The following BPIFC variants were observed in gnomAD, a reference collection of about 807,000 sequenced individuals.
The protein encoded by BPIFC is BPI fold-containing family C protein.
Under a neutral mutation model 57.6 loss-of-function variants are expected in BPIFC, and 60 were observed. The observed-to-expected ratio is 1.04, with a 90% CI of 0.85 to 1.29. The LOEUF (loss-of-function observed/expected upper bound fraction) is 1.29. Ranked by LOEUF, BPIFC falls within the 50% of genes most tolerant of loss-of-function variation. BPIFC has a pLI of 0.00. For missense variants in BPIFC, 581 were observed against 600.5 expected, an observed-to-expected ratio of 0.97 and a Z score of 0.34; for synonymous variants, 243 against 224.5, an observed-to-expected ratio of 1.08 and a Z score of -0.74.
chr22:32,450,371 A>G (rs1228012710), intron 4 of BPIFC, among the ~76,000 whole-genome samples: 3 of 152,172 alleles, frequency 2.0e-5, no homozygotes, highest in Non-Finnish European at 2.9e-5. Flanking sequence ...GTGTAAATAC[A>G]CCGTATAATG....
In BPIFC at chr22:32,414,316, T is replaced by G; in HGVS notation, c.1511A>C (p.Lys504Thr). 6.2e-7 allele frequency: 1 copy of G among 1,613,446 alleles called. No homozygotes were observed. The highest frequency in any genetic ancestry group is 2.2e-5 in the East Asian group (1 of 44,862). ...GCAAACCGGCAATCAAGGGGCTGAC[T>G]TCCCCCTCCACTGTCTGCTTATCAG... ...LNLISRQWRG[K>T]SAP Residue 504 changes from lysine (K) to threonine (T), a missense_variant, in exon 17 of 17, where the codon AAG becomes ACG. By Grantham distance (78) the Lys-to-Thr change is moderately conservative. Coordinates refer to ENST00000300399, the MANE Select transcript of BPIFC (RefSeq NM_174932.3).
At chr22:32,443,942 C>G (rs1945895017) in intron 7 of BPIFC, among the ~76,000 whole-genome samples, 1 of 152,100 alleles carries the variant, frequency 6.6e-6, no homozygotes, top group African/African-American at 2.4e-5. Flanking sequence ...ATGGGAAAAC[C>G]AAAGCTTAGA....
chr22:32,429,399 G>T (rs1398580739), intron 13 of BPIFC, among the ~76,000 whole-genome samples: 1 of 151,232 alleles, frequency 6.6e-6, no homozygotes, highest in Non-Finnish European at 1.5e-5. Flanking sequence ...GTAGAGACGG[G>T]GTTTCACCAT....
chr22:32,447,277 G>C lies in BPIFC; in HGVS notation c.309C>G (p.Ile103Met), dbSNP rs1321794839. 2 of 1,614,000 alleles carry C rather than the reference G, an allele frequency of 1.2e-6. No individual in the cohort carries two copies. Among genetic ancestry groups the C allele is most frequent in the East Asian group, 4.5e-5 (2 of 44,892 alleles). Residue 103 changes from isoleucine (I) to methionine (M), a missense_variant, in exon 5 of 17, where the codon ATC becomes ATG. Ile to Met is a conservative substitution (Grantham distance 10, BLOSUM62 1). Coordinates refer to ENST00000300399, the MANE Select transcript of BPIFC (RefSeq NM_174932.3). ...TSLAFVPGVG[I>M]KALTNHGTAN... is the part of the protein sequence containing the mutation. ...CAGTGCCATGGTTGGTTAGCGCTTT[G>C]ATTCCCACTCCAGGCACAAAAGCCA...
At chr22:32,462,168 C>CAAAAAAAAAAAAACAAAAAAA (rs1935174799) in intron 1 of BPIFC, among the ~76,000 whole-genome samples, 1 of 53,600 alleles carries the variant, frequency 1.9e-5, no homozygotes, top group African/African-American at 6.9e-5. Context: ...GACTCCATCT[C>CAAAAAAAAAAAAACAAAAAAA]AAAAAAAAAA....
intron 14 of BPIFC, among the ~76,000 whole-genome samples, chr22:32,417,868 T>A (rs77045348): frequency 1.3e-5 from 2 of 152,080 alleles, no homozygotes; most frequent in African/African-American, 4.8e-5. Flanking sequence ...CTTTTTTTTT[T>A]ATTTAAAAAT....
chr22:32,417,126 A>G lies in BPIFC; in HGVS notation c.1283T>C (p.Leu428Pro). ...NIEVLRFENILSSILHFGVLP... is the reference protein window; with the variant it reads ...NIEVLRFENIPSSILHFGVLP... ...GACTCCAAAGTGAAGAATGGACGAT[A>G]GAATATTTTCAAACCTCAAGACCTA... The change falls in exon 15 of 17, where the codon CTA (leucine) becomes CCA (proline). Residue 428 changes from leucine to proline, a missense_variant. By Grantham distance (98) the Leu-to-Pro change is moderately conservative. Coordinates refer to ENST00000300399, the MANE Select transcript of BPIFC (RefSeq NM_174932.3). 6.2e-7 allele frequency: 1 copy of G among 1,607,296 alleles called. No individual in the cohort carries two copies. Among genetic ancestry groups the G allele is most frequent in the Non-Finnish European group, 8.5e-7 (1 of 1,174,088 alleles).
chr22:32,447,459 G>A, intron 4 of BPIFC, 119 bp from the exon 5 acceptor site: 1 of 1,196,060 alleles, frequency 8.4e-7, no homozygotes. Flanking sequence ...CTCCTACAGA[G>A]AAAAGAACCT....
At chr22:32,441,227 C>A (rs576421608) in intron 8 of BPIFC, among the ~76,000 whole-genome samples, 1 of 152,176 alleles carries the variant, frequency 6.6e-6, no homozygotes. Context: ...TTTCTACTCC[C>A]TTTGGGTTTT....
intron 14 of BPIFC, 30 bp downstream of exon 14, chr22:32,419,332 C>G (rs1933768687): frequency 6.2e-7 from 1 of 1,601,146 alleles, no homozygotes; most frequent in African/African-American, 1.3e-5. Context: ...TCTTCCAGTG[C>G]TTGGTAACCC....
chr22:32,427,713 C>A lies in BPIFC; in HGVS notation c.1217+3634G>T, dbSNP rs562463908. Among the ~76,000 whole-genome samples the A allele has an allele frequency of 4.5e-4, 68 of 152,208 alleles. No individual in the cohort carries two copies. In the South Asian group the frequency reaches 9.7e-3, roughly 22 times the overall value. On this transcript the variant is annotated intron_variant, in intron 13 of 16. Coordinates refer to ENST00000300399, the MANE Select transcript of BPIFC (RefSeq NM_174932.3). ...CTGGCTTTCATCCTCTGTATTAGAA[C>A]TGCCAAATATCACACCTGTAATCCC... is the stretch of plus-strand genomic sequence containing the variant.
At chr22:32,446,104 C>A in intron 5 of BPIFC, 108 bp from the exon 6 acceptor site, 1 of 1,325,858 alleles carries the variant, frequency 7.5e-7, no homozygotes, top group South Asian at 1.4e-5. Context: ...GTGACTTTGT[C>A]ATGTTCACCT....
intron 13 of BPIFC, among the ~76,000 whole-genome samples, chr22:32,425,710 G>A (rs1480714912): frequency 2.0e-5 from 3 of 152,046 alleles, no homozygotes; most frequent in African/African-American, 7.2e-5. Context: ...TTACAACTCC[G>A]TGTCTCCAGG....
At chr22:32,444,930 G>A (rs1284585887) in intron 7 of BPIFC, among the ~76,000 whole-genome samples, 2 of 152,170 alleles carry the variant, frequency 1.3e-5, no homozygotes, top group Non-Finnish European at 2.9e-5. Flanking sequence ...GCCCGAGTTT[G>A]AGCTTTTGAA....
intron 4 of BPIFC, among the ~76,000 whole-genome samples, chr22:32,450,276 T>G (rs538158605): frequency 1.5e-4 from 23 of 152,324 alleles, no homozygotes; most frequent in African/African-American, 5.1e-4. Flanking sequence ...TTCAGTGCAG[T>G]CTCATGTTTT....
intron 9 of BPIFC, among the ~76,000 whole-genome samples, chr22:32,437,089 T>G (rs1160300111): frequency 6.6e-6 from 1 of 152,208 alleles, no homozygotes; most frequent in African/African-American, 2.4e-5. Context: ...CACTTAGGAA[T>G]GGAAGTGCCA....
intron 1 of BPIFC, among the ~76,000 whole-genome samples, chr22:32,462,168 C>CAA (rs35716277): frequency 0.011 from 601 of 53,458 alleles, 12 homozygotes; most frequent in Middle Eastern, 0.016. Context: ...GACTCCATCT[C>CAA]AAAAAAAAAA....
At chr22:32,444,569 A>T (rs1934660738) in intron 7 of BPIFC, among the ~76,000 whole-genome samples, 1 of 152,176 alleles carries the variant, frequency 6.6e-6, no homozygotes, top group African/African-American at 2.4e-5. Flanking sequence ...TGTGGTCATT[A>T]TTGGAAAGAG....
intron 16 of BPIFC, among the ~76,000 whole-genome samples, chr22:32,414,679 A>G (rs549631488): frequency 3.3e-5 from 5 of 151,916 alleles, no homozygotes; most frequent in African/African-American, 1.2e-4. Context: ...ACACCCGGCT[A>G]ATTTTTGTAT....
Sources: allele counts gnomAD v4.1 joint callset (sites outside exome capture counted in the v4.1 genomes callset), GRCh38; gene constraint gnomAD v4.1.1; transcripts MANE v1.5; gene names NCBI Gene and HGNC (gene_info 2026-07-23, HGNC 2026-07-21).